Variants in RNF150 observed in about 807,000 individuals in gnomAD.
RNF150 encodes the protein ring finger protein 150.
Under a neutral mutation model 39.3 loss-of-function variants are expected in RNF150, and 24 were observed. The ratio of observed to expected loss-of-function variants is 0.61; its 90% CI spans 0.44 to 0.86. The LOEUF (loss-of-function observed/expected upper bound fraction) is 0.86, where lower values mean the gene tolerates loss of function less well. Among genes scored for constraint, RNF150 ranks in the 40% least tolerant of loss-of-function variants. The probability of loss-of-function intolerance (pLI) is 0.00; values close to 1 mark genes in which losing one functional copy is unlikely to be tolerated. For missense variants in RNF150, 502 were observed against 587.8 expected (o/e 0.85, Z 1.51); for synonymous variants, 255 against 227.3 (o/e 1.12, Z -1.10).
chr4:141,154,392 G>T (rs1269644150), intron 1 of RNF150, among the ~76,000 whole-genome samples: 9 of 152,200 alleles, frequency 5.9e-5, no homozygotes, highest in Admixed American at 5.9e-4. Flanking sequence ...TCCTTAGCGT[G>T]CCTGTGTGGC....
intron 1 of RNF150, among the ~76,000 whole-genome samples, chr4:140,968,278 A>G (rs890184): frequency 0.45 from 68,694 of 151,628 alleles, 16,537 homozygotes; most frequent in East Asian, 0.74. Flanking sequence ...GCATTCCATG[A>G]CAAAAGGGTA....
intron 2 of RNF150, among the ~76,000 whole-genome samples, chr4:140,954,165 T>G (rs1159080083): frequency 6.6e-6 from 1 of 152,168 alleles, no homozygotes; most frequent in Non-Finnish European, 1.5e-5. Flanking sequence ...TTCTCTAGGG[T>G]GCTCCTATGG....
intron 1 of RNF150, among the ~76,000 whole-genome samples, chr4:141,099,886 T>C (rs987556591): frequency 1.3e-5 from 2 of 152,164 alleles, no homozygotes; most frequent in African/African-American, 2.4e-5. Flanking sequence ...TAAAATTCTA[T>C]ACATTAAATG....
At position 141,030,095 on chromosome 4, in the gene RNF150, G is replaced by A. The variant is rs939444741; in HGVS notation, c.485-62222C>T. Among the ~76,000 whole-genome samples the A allele has an allele frequency of 5.3e-5, 8 of 151,920 alleles. 1 individual carries two copies. In the East Asian group the frequency reaches 9.7e-4, roughly 18 times the overall value. On this transcript the variant is annotated intron_variant, in intron 1 of 6. Coordinates refer to ENST00000515673, the MANE Select transcript of RNF150 (RefSeq NM_020724.2). ...CCTTAGTCCCAGCTACTTGGGAGGCGAGGCAGGAGAATGGTGGGAACCCAG... is the reference window on the plus strand; with the variant it reads ...CCTTAGTCCCAGCTACTTGGGAGGCAAGGCAGGAGAATGGTGGGAACCCAG...
At chr4:141,165,037 T>C (rs1254065866) in intron 1 of RNF150, among the ~76,000 whole-genome samples, 1 of 152,166 alleles carries the variant, frequency 6.6e-6, no homozygotes, top group East Asian at 1.9e-4. Context: ...ACCAGCGTGC[T>C]GTATTCAGGA....
chr4:141,134,884 CA>C (rs1727004822), upstream of RNF150, among the ~76,000 whole-genome samples: 1 of 152,210 alleles, frequency 6.6e-6, no homozygotes, highest in Admixed American at 6.5e-5. Flanking sequence ...TAGCAACCCA[CA>C]GTGTTTCCCC....
chr4:140,956,008 G>A (rs529355110), intron 2 of RNF150, among the ~76,000 whole-genome samples: 14 of 152,234 alleles, frequency 9.2e-5, no homozygotes, highest in African/African-American at 3.1e-4. Flanking sequence ...TAAAAACAAA[G>A]CAAATCAAAA....
rs530792296 is a variant in RNF150, at chr4:140,911,380, C to T, written c.988-26G>A. Reference sequence around the variant, plus strand: ...CTGATGGGGCAGAAAAAGATCTGTTCTCAGTACATGTCATCCACTTAGAGA... The same window carrying T: ...CTGATGGGGCAGAAAAAGATCTGTTTTCAGTACATGTCATCCACTTAGAGA... On this transcript the variant is annotated intron_variant, in intron 5 of 6. Transcript: ENST00000515673. The T allele has an allele frequency of 2.5e-6, 4 of 1,593,404 alleles. No individual in the cohort carries two copies. In the African/African-American group the frequency reaches 4.0e-5, roughly 16 times the overall value.
At chr4:140,924,590 C>T (rs62325696) in intron 5 of RNF150, among the ~76,000 whole-genome samples, 3,118 of 152,296 alleles carry the variant, frequency 0.02, 28 homozygotes, top group East Asian at 0.039. Flanking sequence ...CACATACACA[C>T]ATTTCCCCCT....
rs184902120 is a variant in RNF150 at position 141,052,689 on chromosome 4, T to A, written c.484+79636A>T. ...CCACACCCAGTCACAACAAAATCTT[T>A]AAATATGAAATAGTACAAAAAATTT... is the stretch of plus-strand genomic sequence containing the variant. On this transcript the variant is annotated intron_variant, in intron 1 of 6. Transcript: ENST00000515673. Among the ~76,000 whole-genome samples, 920 of 152,258 alleles carry A rather than the reference T, an allele frequency of 6.0e-3. 4 individuals carry two copies. The highest frequency in any genetic ancestry group is 9.9e-3 in the Non-Finnish European group (674 of 68,016).
Position 140,865,963 on chromosome 4 carries a change from G to T in RNF150, c.*2298C>A, listed in dbSNP as rs367795072. 1 of 152,206 alleles carries T rather than the reference G, an allele frequency of 6.6e-6. No individual in the cohort carries two copies. The highest frequency in any genetic ancestry group is 1.5e-5 in the Non-Finnish European group (1 of 68,036). 9.4% of individuals were successfully genotyped at this position (152,206 alleles called of 1,614,324 possible). On this transcript the variant is annotated 3_prime_UTR_variant, in exon 7 of 7. Transcript: ENST00000515673. ...TTTTGGGCAAAGCCGACTGAAGGAGGAGTCAGTGGCGCAAGCCTATGCTGA... is the reference window on the plus strand; with the variant it reads ...TTTTGGGCAAAGCCGACTGAAGGAGTAGTCAGTGGCGCAAGCCTATGCTGA...
intron 5 of RNF150, among the ~76,000 whole-genome samples, chr4:140,918,068 A>G (rs1560965762): frequency 6.6e-6 from 1 of 152,054 alleles, no homozygotes; most frequent in South Asian, 2.1e-4. Context: ...TTATAGCACT[A>G]AATGCCCACA....
At chr4:140,998,199 G>T (rs1178370190) in intron 1 of RNF150, among the ~76,000 whole-genome samples, 2 of 152,178 alleles carry the variant, frequency 1.3e-5, no homozygotes, top group Non-Finnish European at 2.9e-5. Context: ...TCATGTTATT[G>T]ACCATATTGT....
At chr4:141,065,352 G>A (rs1737412349) in intron 1 of RNF150, among the ~76,000 whole-genome samples, 1 of 152,076 alleles carries the variant, frequency 6.6e-6, no homozygotes, top group African/African-American at 2.4e-5. Flanking sequence ...TGTACAATAT[G>A]AAGGAATTTT....
chr4:141,196,468 A>C (rs1728203036), intron 1 of RNF150, among the ~76,000 whole-genome samples: 1 of 152,114 alleles, frequency 6.6e-6, no homozygotes, highest in African/African-American at 2.4e-5. Flanking sequence ...TGCCACCTAG[A>C]TATTCAGAGC....
chr4:141,102,554 C>T (rs1739049887), intron 1 of RNF150, among the ~76,000 whole-genome samples: 1 of 152,152 alleles, frequency 6.6e-6, no homozygotes, highest in Non-Finnish European at 1.5e-5. Flanking sequence ...GAAATTTCTA[C>T]ATAAGAGGCA....
chr4:140,937,772 T>C (rs1470143999), intron 4 of RNF150, among the ~76,000 whole-genome samples: 3 of 152,058 alleles, frequency 2.0e-5, no homozygotes, highest in Non-Finnish European at 4.4e-5. Context: ...TATACTTTTC[T>C]CTGTTTTCAA....
chr4:141,005,377 G>A (rs1188905456), intron 1 of RNF150, among the ~76,000 whole-genome samples: 1 of 152,076 alleles, frequency 6.6e-6, no homozygotes, highest in African/African-American at 2.4e-5. Context: ...AAGAGAAGGT[G>A]GCTTAAGATC....
intron 5 of RNF150, among the ~76,000 whole-genome samples, chr4:140,917,418 C>G (rs555243666): frequency 1.3e-5 from 2 of 151,978 alleles, no homozygotes; most frequent in Non-Finnish European, 2.9e-5. Context: ...GACTTTAAAC[C>G]AACAAAGATC....
Sources: gnomAD v4.1 joint callset for allele counts (sites outside exome capture counted in the v4.1 genomes callset) on GRCh38, gnomAD v4.1.1 for gene constraint, MANE v1.5 for transcripts, NCBI Gene and HGNC (gene_info 2026-07-23, HGNC 2026-07-21) for gene names.